The following CCT3 variants were observed in gnomAD, a reference collection of about 807,000 sequenced individuals.
The protein encoded by CCT3 is T-complex protein 1 subunit gamma.
Under a neutral mutation model 65.3 loss-of-function variants are expected in CCT3, and 10 were observed. The observed-to-expected ratio is 0.15, with a 90% confidence interval of 0.09 to 0.26. The LOEUF (loss-of-function observed/expected upper bound fraction) is 0.26. CCT3 is among the 10% of genes least tolerant of loss of function. The probability of loss-of-function intolerance (pLI) is 1.00; values close to 1 mark genes in which losing one functional copy is unlikely to be tolerated. For missense variants in CCT3, 626 were observed against 708.7 expected (o/e 0.88, Z 1.33); for synonymous variants, 225 against 242.3 (o/e 0.93, Z 0.66).
At chr1:156,318,224 AT>A (rs58622068) in intron 8 of CCT3, among the ~76,000 whole-genome samples, 433 of 130,518 alleles carry the variant, frequency 3.3e-3, no homozygotes, top group South Asian at 4.7e-3. Flanking sequence ...GCCCTCTAGA[AT>A]TTTTTTTTTT....
intron 12 of CCT3, 30 bp from the exon 13 acceptor site, chr1:156,310,719 A>G (rs1664048284): frequency 6.2e-7 from 1 of 1,611,798 alleles, no homozygotes; most frequent in South Asian, 1.1e-5. Flanking sequence ...TAAAGGGGAA[A>G]ATAAGTTAAC....
At chr1:156,334,488 T>G (rs1350116071) in intron 4 of CCT3, among the ~76,000 whole-genome samples, 2 of 151,774 alleles carry the variant, frequency 1.3e-5, no homozygotes, top group Non-Finnish European at 2.9e-5. Flanking sequence ...AGAAGCGGAG[T>G]TCTTCCCTAG....
chr1:156,312,292 G>A, intron 10 of CCT3, 71 bp from the exon 11 acceptor site: 2 of 1,447,010 alleles, frequency 1.4e-6, no homozygotes, highest in African/African-American at 1.4e-5. Flanking sequence ...AGTCTCTAGG[G>A]TCTGTAGCTA....
intron 10 of CCT3, among the ~76,000 whole-genome samples, chr1:156,314,968 A>G (rs1288242111): frequency 6.6e-6 from 1 of 152,160 alleles, no homozygotes; most frequent in Non-Finnish European, 1.5e-5. Context: ...TACTATACAG[A>G]AATATTTTTA....
At chr1:156,313,350 G>GGAAAAAAAAAAAAAAAAAAAA in intron 10 of CCT3, among the ~76,000 whole-genome samples, 1 of 106,720 alleles carries the variant, frequency 9.4e-6, no homozygotes, top group Non-Finnish European at 1.9e-5. Flanking sequence ...AAAAAAAAAA[G>GGAAAAAAAAAAAAAAAAAAAA]AAAAAAAAAA....
In CCT3 at chr1:156,338,242, AG is replaced by A. The variant is rs1665546575; in HGVS notation, c.-59del. ...TGGGGGAACCGGCAGAACCTTCTGG[AG>A]AGAGAGAACCAGACAGAAGCCCAGA... On this transcript the variant is annotated 5_prime_UTR_variant, in exon 1 of 14. Coordinates refer to ENST00000295688, the MANE Select transcript of CCT3 (RefSeq NM_005998.5). The A allele has an allele frequency of 9.8e-6, 8 of 815,232 alleles. No individual in the cohort carries two copies. The highest frequency in any genetic ancestry group is 1.4e-5 in the Non-Finnish European group (8 of 572,468). The allele number at this position is 815,232 out of a possible 1,614,324, so 50.5% of individuals were successfully genotyped here.
At chr1:156,322,810 G>A (rs112032129) in intron 6 of CCT3, among the ~76,000 whole-genome samples, 3,428 of 152,208 alleles carry the variant, frequency 0.023, 131 homozygotes, top group African/African-American at 0.079. Flanking sequence ...AGTGAGCTGA[G>A]ATCCAGCTAT....
At position 156,334,790 on chromosome 1, in the gene CCT3, A is replaced by C; in HGVS notation, c.145-15T>G. Reference sequence around the variant, plus strand: ...TCCAAAAGCATCTAAGATGAAAGCAAAAGTTATATTTAAAGTGTCCTAGAT... The same window carrying C: ...TCCAAAAGCATCTAAGATGAAAGCACAAGTTATATTTAAAGTGTCCTAGAT... On this transcript the variant is annotated splice_polypyrimidine_tract_variant and intron_variant, in intron 3 of 13. Coordinates refer to ENST00000295688, the MANE Select transcript of CCT3 (RefSeq NM_005998.5). 1 of 1,614,118 alleles carries C rather than the reference A, an allele frequency of 6.2e-7. No individual in the cohort carries two copies. Among genetic ancestry groups the C allele is most frequent in the African/African-American group, 1.3e-5 (1 of 75,068 alleles).
At chr1:156,309,419 C>A (rs3001784) in intron 13 of CCT3, 116 bp from the exon 14 acceptor site, 10 of 710,268 alleles carry the variant, frequency 1.4e-5, no homozygotes, top group Admixed American at 9.5e-5. Flanking sequence ...CTGAAATCTA[C>A]CTTTTCAGTC....
rs775908436 is a variant in CCT3, at chr1:156,312,227, G to T, written c.975-6C>A. 2 of 1,612,278 alleles carry T rather than the reference G, an allele frequency of 1.2e-6. No homozygotes were observed. Among genetic ancestry groups the T allele is most frequent in the East Asian group, 2.2e-5 (1 of 44,842 alleles). ...CTATCCGGGCCCCACAGGCTCTAAT[G>T]GACGGAAGAGGTGGGGAGAATCAGA... On this transcript the variant is annotated splice_region_variant and splice_polypyrimidine_tract_variant and intron_variant, in intron 10 of 13. Coordinates refer to ENST00000295688, the MANE Select transcript of CCT3 (RefSeq NM_005998.5).
chr1:156,311,188 T>C lies in CCT3; in HGVS notation c.1163A>G (p.Glu388Gly). ...TTGCATGGCATCCTGGAGGTTGCGT[T>C]CTACTTCCTTGGAGAAGCAAACAGA... ...GASKEILSEV[E>G]RNLQDAMQVC... Residue 388 changes from glutamate (E) to glycine (G), a missense_variant, in exon 12 of 14, where the codon GAA becomes GGA. Physicochemically the swap from Glu to Gly is moderately conservative, Grantham distance 98. Transcript: ENST00000295688. The C allele has an allele frequency of 1.2e-6, 2 of 1,613,624 alleles. No homozygotes were observed. Among genetic ancestry groups the C allele is most frequent in the South Asian group, 1.1e-5 (1 of 91,066 alleles).
rs551507106 is a variant in CCT3 at position 156,331,411 on chromosome 1, A to G, written c.304+2136T>C. 2.3e-3 allele frequency among the ~76,000 whole-genome samples: 344 copies of G among 152,182 alleles called. 1 individual carries two copies. The highest frequency in any genetic ancestry group is 7.8e-3 in the African/African-American group (323 of 41,512). On this transcript the variant is annotated intron_variant, in intron 5 of 13. Transcript: ENST00000295688. ...AAATTAGCATCCCTTGGCTGGGCGCAGTGGCTCACACCTGTAATCCCAGTA... is the reference window on the plus strand; with the variant it reads ...AAATTAGCATCCCTTGGCTGGGCGCGGTGGCTCACACCTGTAATCCCAGTA...
At chr1:156,331,985 T>C (rs1441967148) in intron 5 of CCT3, among the ~76,000 whole-genome samples, 2 of 151,988 alleles carry the variant, frequency 1.3e-5, no homozygotes, top group East Asian at 1.9e-4. Flanking sequence ...CGAGCCGAGA[T>C]TGTGCCATTG....
chr1:156,309,571 C>T (rs1008700372), intron 13 of CCT3, among the ~76,000 whole-genome samples: 2 of 151,950 alleles, frequency 1.3e-5, no homozygotes, highest in African/African-American at 4.8e-5. Flanking sequence ...GGATTACAGG[C>T]CTGCACCACC....
Position 156,320,940 on chromosome 1 carries a change from A to G in CCT3, c.508T>C (p.Ser170Pro), listed in dbSNP as rs955549827. 1.9e-6 allele frequency: 3 copies of G among 1,614,074 alleles called. No homozygotes were observed. The highest frequency in any genetic ancestry group is 1.3e-5 in the African/African-American group (1 of 75,022). ...ITTKAISRWS[S>P]LACNIALDAV... ...TCCAGGGCAATGTTGCAAGCCAAAG[A>G]TGACCACCGACTGATGGCTTTGGTA... Residue 170 changes from serine (S) to proline (P), a missense_variant, in exon 7 of 14, where the codon TCT becomes CCT. Physicochemically the swap from Ser to Pro is moderately conservative, Grantham distance 74 (BLOSUM62 -1). Coordinates refer to ENST00000295688, the MANE Select transcript of CCT3 (RefSeq NM_005998.5).
At chr1:156,328,110 G>T (rs1223213911) in intron 5 of CCT3, among the ~76,000 whole-genome samples, 1 of 140,646 alleles carries the variant, frequency 7.1e-6, no homozygotes, top group South Asian at 2.3e-4. Context: ...CGCCCCGTCC[G>T]GGAGGTGAGG....
intron 5 of CCT3, among the ~76,000 whole-genome samples, chr1:156,331,533 A>C (rs1665095334): frequency 1.3e-5 from 2 of 151,288 alleles, no homozygotes; most frequent in Non-Finnish European, 2.9e-5. Flanking sequence ...AAACACAAAA[A>C]TCAGCCAGGC....
intron 7 of CCT3, among the ~76,000 whole-genome samples, chr1:156,320,326 C>T (rs970155318): frequency 7.9e-5 from 12 of 152,102 alleles, no homozygotes; most frequent in Non-Finnish European, 1.6e-4. Flanking sequence ...GGAGATCACT[C>T]GAACCCGGGA....
intron 10 of CCT3, among the ~76,000 whole-genome samples, chr1:156,313,721 C>T (rs1380028126): frequency 1.3e-5 from 2 of 152,206 alleles, no homozygotes; most frequent in East Asian, 1.9e-4. Flanking sequence ...GAGTTCAACA[C>T]TGAAGACATT....
Sources: allele counts gnomAD v4.1 joint callset (sites outside exome capture counted in the v4.1 genomes callset), GRCh38; gene constraint gnomAD v4.1.1; transcripts MANE v1.5; gene names NCBI Gene and HGNC (gene_info 2026-07-23, HGNC 2026-07-21).